DNPEP: variants seen among roughly 807,000 people sequenced by gnomAD.
DNPEP encodes aspartyl aminopeptidase.
A neutral mutation model predicts 59.1 loss-of-function variants in DNPEP; 46 were observed. The ratio of observed to expected loss-of-function variants is 0.78; its 90% CI spans 0.61 to 0.99. DNPEP has a LOEUF of 0.99. Ranked by LOEUF, DNPEP falls within the 50% of genes least tolerant of loss-of-function variation. The pLI is 0.00. For synonymous variants in DNPEP, 229 were observed against 242.2 expected (o/e 0.95, Z 0.50); for missense variants, 617 against 649.9 (o/e 0.95, Z 0.55).
At chr2:219,387,428 C>T in intron 1 of DNPEP, 1 of 1,433,246 alleles carries the variant, frequency 7.0e-7, no homozygotes, top group Non-Finnish European at 9.2e-7. Context: ...CATGTCCCTG[C>T]CCAGCTAGGA....
intron 14 of DNPEP, 28 bp from the exon 15 acceptor site, chr2:219,374,370 G>C (rs763331889): frequency 6.2e-7 from 1 of 1,605,296 alleles, no homozygotes; most frequent in East Asian, 2.2e-5. Context: ...ATGGAGTTTG[G>C]AATTAGTGAG....
chr2:219,380,576 A>G (rs1331852895), intron 13 of DNPEP, among the ~76,000 whole-genome samples: 1 of 151,974 alleles, frequency 6.6e-6, no homozygotes, highest in Non-Finnish European at 1.5e-5. Context: ...AGTTACCTAC[A>G]GTTTTCAGCA....
chr2:219,386,426 G>C lies in DNPEP; in HGVS notation c.334-15C>G. On this transcript the variant is annotated splice_polypyrimidine_tract_variant and intron_variant, in intron 4 of 14. Transcript: ENST00000273075. The stretch of plus-strand genomic sequence containing the variant: ...CGACGTTTCACCTGAGTGTAAAGAT[G>C]GAGAAGTCAGAGAAGGCTTCATGAC... 1 of 1,614,160 alleles carries C rather than the reference G, an allele frequency of 6.2e-7. No homozygotes were observed. Among genetic ancestry groups the C allele is most frequent in the South Asian group, 1.1e-5 (1 of 91,080 alleles).
chr2:219,381,301 C>G, intron 13 of DNPEP, 34 bp downstream of exon 13: 1 of 1,596,760 alleles, frequency 6.3e-7, no homozygotes, highest in Non-Finnish European at 8.6e-7. Context: ...CAAGCTCCCT[C>G]CATCACACCT....
intron 1 of DNPEP, 62 bp from the exon 2 acceptor site, chr2:219,387,225 TC>T (rs1953885704): frequency 1.3e-6 from 2 of 1,534,528 alleles, no homozygotes; most frequent in South Asian, 1.2e-5. Context: ...TCACCCAGGT[TC>T]CGAGGATTCT....
chr2:219,374,993 A>G lies in DNPEP; in HGVS notation c.1269T>C (p.Cys423=). The G allele has an allele frequency of 6.2e-7, 1 of 1,614,168 alleles. No individual in the cohort carries two copies. Among genetic ancestry groups the G allele is most frequent in the Non-Finnish European group, 8.5e-7 (1 of 1,180,034 alleles). ...CCAAGATAGGTCCAATGGTGGTTCC[A>G]CAGGGGGTGTCATTCCGGACCATGA... The part of the protein sequence containing the change: ...QDLMVRNDTP[C]GTTIGPILAS... Residue 423 remains cysteine, a synonymous_variant, in exon 14 of 15, where the codon TGT becomes TGC. Coordinates refer to ENST00000273075, the MANE Select transcript of DNPEP (RefSeq NM_012100.4).
upstream of DNPEP, chr2:219,387,973 C>T: frequency 7.7e-7 from 1 of 1,290,650 alleles, no homozygotes; most frequent in Non-Finnish European, 9.9e-7. Flanking sequence ...CGCCCCTCGG[C>T]ATCCGCCCCG....
intron 8 of DNPEP, 21 bp downstream of exon 8, chr2:219,385,403 G>A (rs531169484): frequency 6.3e-7 from 1 of 1,575,502 alleles, no homozygotes; most frequent in Non-Finnish European, 8.7e-7. Flanking sequence ...TCACCCACAG[G>A]TTCCTACAGC....
intron 1 of DNPEP, chr2:219,399,767 A>T: frequency 2.1e-6 from 2 of 964,242 alleles, no homozygotes; most frequent in South Asian, 2.9e-5. Context: ...TCATCTCTTT[A>T]TCCCCATAAT....
upstream of DNPEP, among the ~76,000 whole-genome samples, chr2:219,391,368 C>T (rs979253539): frequency 6.6e-6 from 1 of 152,008 alleles, no homozygotes; most frequent in Non-Finnish European, 1.5e-5. Context: ...TTCAAGCTGT[C>T]GAGATGATGT....
At chr2:219,389,445 C>A (rs1018486043), upstream of DNPEP, among the ~76,000 whole-genome samples, 1 of 152,182 alleles carries the variant, frequency 6.6e-6, no homozygotes, top group Non-Finnish European at 1.5e-5. Context: ...GCAGCCCTCA[C>A]TTCAAACTAG....
chr2:219,376,942 G>T (rs1240517565), intron 13 of DNPEP, among the ~76,000 whole-genome samples: 15 of 152,048 alleles, frequency 9.9e-5, no homozygotes, highest in Admixed American at 8.5e-4. Context: ...TGTGTGTGAT[G>T]CCATATGAAT....
chr2:219,386,363 C>CTGG lies in DNPEP; in HGVS notation c.381_382insCCA (p.Gly127_Val128insPro). ...CAGATCCCACCACCATAGGTCTCCA[C>CTGG]ACCGACTTGCTGGAAGCCCACCTGG... On this transcript the variant is annotated inframe_insertion, in exon 5 of 15. Coordinates refer to ENST00000273075, the MANE Select transcript of DNPEP (RefSeq NM_012100.4). 1 of 1,614,252 alleles carries CTGG rather than the reference C, an allele frequency of 6.2e-7. No homozygotes were observed. The highest frequency in any genetic ancestry group is 8.5e-7 in the Non-Finnish European group (1 of 1,180,048).
At chr2:219,382,316 C>G (rs1046823226) in intron 10 of DNPEP, among the ~76,000 whole-genome samples, 177 bp from the exon 11 acceptor site, 3 of 152,232 alleles carry the variant, frequency 2.0e-5, no homozygotes, top group African/African-American at 7.2e-5. Context: ...TGAGACCAAA[C>G]TAACTCACAT....
At chr2:219,388,756 A>G, upstream of DNPEP, 1 of 985,526 alleles carries the variant, frequency 1.0e-6, no homozygotes, top group Non-Finnish European at 1.2e-6. Flanking sequence ...CACCTTTGTG[A>G]CAATAAAAGC....
rs948705422 is a variant in DNPEP at position 219,386,704 on chromosome 2, G to A, written c.294C>T (p.Phe98=). The A allele has an allele frequency of 1.2e-6, 2 of 1,612,904 alleles. No homozygotes were observed. Among genetic ancestry groups the A allele is most frequent in the Non-Finnish European group, 1.7e-6 (2 of 1,179,794 alleles). Residue 98 remains phenylalanine (F), a synonymous_variant, in exon 4 of 15, where the codon TTC becomes TTT. Transcript: ENST00000273075. The part of the protein sequence containing the change: ...VGGQYVPGNG[F]SLIGAHTDSP... ...TGTCCGTGTGGGCCCCGATGAGGCT[G>A]AAGCCATTGCCAGGAACGTACTGGC...
chr2:219,389,148 T>C (rs1409030796), upstream of DNPEP: 1 of 152,276 alleles, frequency 6.6e-6, no homozygotes, highest in Non-Finnish European at 1.5e-5. Flanking sequence ...GACTCTGATA[T>C]CTGTGCCCTT....
intron 1 of DNPEP, among the ~76,000 whole-genome samples, chr2:219,397,813 C>T (rs1244117209): frequency 6.6e-6 from 1 of 152,086 alleles, no homozygotes. Context: ...TGTTCTTAAA[C>T]TCCTGACCTC....
chr2:219,376,500 GAAAAAGAAAA>G (rs1953379615), intron 13 of DNPEP, among the ~76,000 whole-genome samples: 1 of 144,534 alleles, frequency 6.9e-6, no homozygotes, highest in African/African-American at 2.5e-5. Context: ...AAAAAAAAAA[GAAAAAGAAAA>G]AAAAAGGAAA....
Sources: allele counts gnomAD v4.1 joint callset (sites outside exome capture counted in the v4.1 genomes callset), GRCh38; gene constraint gnomAD v4.1.1; transcripts MANE v1.5; gene names NCBI Gene and HGNC (gene_info 2026-07-23, HGNC 2026-07-21).